NRP1: variants seen among roughly 807,000 people sequenced by gnomAD.
NRP1 encodes the protein neuropilin 1.
Under a neutral mutation model 106.7 loss-of-function variants are expected in NRP1, and 35 were observed. The observed-to-expected ratio is 0.33, with a 90% CI of 0.25 to 0.43. The LOEUF (loss-of-function observed/expected upper bound fraction) is 0.43. Among genes scored for constraint, NRP1 ranks in the 20% least tolerant of loss-of-function variants. The pLI is 1.00. For synonymous variants in NRP1, 437 were observed against 417.9 expected, an observed-to-expected ratio of 1.05 and a Z score of -0.56; for missense variants, 1,024 against 1,170.4, an observed-to-expected ratio of 0.87 and a Z score of 1.83.
intron 2 of NRP1, among the ~76,000 whole-genome samples, chr10:33,293,595 A>G (rs1245275032): frequency 6.6e-6 from 1 of 152,228 alleles, no homozygotes. Context: ...CGTCCACAGC[A>G]AAGTCAGCAC....
Position 33,213,366 on chromosome 10 carries a change from T to A in NRP1, c.1614+20A>T, listed in dbSNP as rs1838470510. 1 of 1,613,950 alleles carries A rather than the reference T, an allele frequency of 6.2e-7. No homozygotes were observed. The highest frequency in any genetic ancestry group is 1.3e-5 in the African/African-American group (1 of 74,880). On this transcript the variant is annotated intron_variant, in intron 9 of 16. Transcript: ENST00000374867. The stretch of plus-strand genomic sequence containing the variant: ...GTCAAGGACATAAGGGATGACCTCC[T>A]CCCAGTCCCCAGCCCTCACCTTCGC...
intron 2 of NRP1, among the ~76,000 whole-genome samples, chr10:33,324,902 T>G (rs914541383): frequency 6.6e-6 from 1 of 152,178 alleles, no homozygotes; most frequent in Non-Finnish European, 1.5e-5. Flanking sequence ...TGGCTCCCAA[T>G]GTTTGCGAGT....
chr10:33,329,015 T>C (rs1280503854), intron 2 of NRP1, among the ~76,000 whole-genome samples: 3 of 152,178 alleles, frequency 2.0e-5, no homozygotes, highest in Non-Finnish European at 4.4e-5. Context: ...TTAAACATGG[T>C]CAAAAAGCAA....
chr10:33,225,582 T>C (rs955438593), intron 7 of NRP1, among the ~76,000 whole-genome samples: 1 of 152,216 alleles, frequency 6.6e-6, no homozygotes, highest in Non-Finnish European at 1.5e-5. Context: ...CTGTGCTGCC[T>C]CCTTGGTTGA....
chr10:33,250,015 AGTATTTGT>A (rs1278010591), intron 6 of NRP1, among the ~76,000 whole-genome samples: 1 of 152,186 alleles, frequency 6.6e-6, no homozygotes, highest in Non-Finnish European at 1.5e-5. Flanking sequence ...AACACATGCA[AGTATTTGT>A]GTACTTGTTG....
chr10:33,279,537 T>C (rs868664537), intron 2 of NRP1, among the ~76,000 whole-genome samples: 1 of 152,308 alleles, frequency 6.6e-6, no homozygotes, highest in South Asian at 2.1e-4. Flanking sequence ...CTTCACCAGA[T>C]GAAGTCATCT....
chr10:33,239,841 C>T (rs1042049663), intron 6 of NRP1, among the ~76,000 whole-genome samples: 1 of 152,154 alleles, frequency 6.6e-6, no homozygotes, highest in African/African-American at 2.4e-5. Flanking sequence ...GCATGACGTC[C>T]ACAGGATGTT....
At chr10:33,236,865 T>C (rs575533055) in intron 6 of NRP1, among the ~76,000 whole-genome samples, 19 of 152,326 alleles carry the variant, frequency 1.2e-4, no homozygotes, top group Admixed American at 1.2e-3. Context: ...GTGTCAGGTA[T>C]TGTACTAAGT....
chr10:33,323,140 CAG>C (rs751860781), intron 2 of NRP1, among the ~76,000 whole-genome samples: 37 of 152,166 alleles, frequency 2.4e-4, no homozygotes, highest in Non-Finnish European at 5.1e-4. Flanking sequence ...GAAGCTGAGA[CAG>C]AGAATGGCTT....
In NRP1 at chr10:33,293,691, G is replaced by A. The variant is rs140653521; in HGVS notation, c.249-22835C>T. On this transcript the variant is annotated intron_variant, in intron 2 of 16. Coordinates refer to ENST00000374867, the MANE Select transcript of NRP1 (RefSeq NM_003873.7). ...GGGAGAGAAAACAGAAAACATGTTC[G>A]TTATTTTTGAAGGAAGAATGCCTGC... is the stretch of plus-strand genomic sequence containing the variant. 3.2e-3 allele frequency among the ~76,000 whole-genome samples: 494 copies of A among 152,272 alleles called. 3 individuals carry two copies. Among genetic ancestry groups the A allele is most frequent in the African/African-American group, 9.6e-3 (398 of 41,562 alleles).
Position 33,244,167 on chromosome 10 carries a change from G to A in NRP1, c.981+9861C>T, listed in dbSNP as rs540569017. Among the ~76,000 whole-genome samples the A allele has an allele frequency of 1.0e-3, 153 of 152,242 alleles. 1 individual carries two copies. The highest frequency in any genetic ancestry group is 4.8e-3 in the South Asian group (23 of 4,828). On this transcript the variant is annotated intron_variant, in intron 6 of 16. Coordinates refer to ENST00000374867, the MANE Select transcript of NRP1 (RefSeq NM_003873.7). ...TCTCACCTTTGGAGAAGGTGGCTGT[G>A]GATGTGCTAGAGGAGTTTTAAAGTG...
rs566437913 is a variant in NRP1, at chr10:33,180,215, A to G, written c.2633T>C (p.Val878Ala). Residue 878 changes from valine to alanine, a missense_variant, in exon 17 of 17, where the codon GTG becomes GCG. By Grantham distance (64) the Val-to-Ala change is moderately conservative. Around this residue, in one of 5 missense-constraint regions of NRP1, gnomAD observed 164 missense variants for 161.4 expected, o/e 1.02. Transcript: ENST00000374867. ...GVLLGAVCGV[V>A]LYCACWHNGM... ...ATTATGCCAACAGGCACAGTACAGCACGACCCCACAGACAGCCCCCAGGAG... is the reference window on the plus strand; with the variant it reads ...ATTATGCCAACAGGCACAGTACAGCGCGACCCCACAGACAGCCCCCAGGAG... 12 of 1,614,112 alleles carry G rather than the reference A, an allele frequency of 7.4e-6. No homozygotes were observed. The East Asian group carries it at 2.5e-4, about 33-fold the overall frequency.
chr10:33,202,042 A>G (rs1198054193), intron 11 of NRP1: 1 of 152,192 alleles, frequency 6.6e-6, no homozygotes, highest in Non-Finnish European at 1.5e-5. Context: ...CTGGGTAAAA[A>G]TGCAGACCTG....
At chr10:33,317,690 T>G (rs1847136857) in intron 2 of NRP1, among the ~76,000 whole-genome samples, 1 of 151,196 alleles carries the variant, frequency 6.6e-6, no homozygotes, top group South Asian at 2.1e-4. Flanking sequence ...CAAGCACACA[T>G]GAAAGAATAA....
intron 1 of NRP1, among the ~76,000 whole-genome samples, chr10:33,333,279 G>T (rs1015689789): frequency 6.6e-6 from 1 of 151,624 alleles, no homozygotes; most frequent in African/African-American, 2.4e-5. Flanking sequence ...TTAAAATACT[G>T]CTTGGTAGCT....
intron 12 of NRP1, 157 bp downstream of exon 12, chr10:33,197,493 A>G (rs1371491997): frequency 2.0e-6 from 1 of 495,658 alleles, no homozygotes; most frequent in East Asian, 3.2e-5. Flanking sequence ...ATACATGTGG[A>G]TGAAAGGAAA....
intron 13 of NRP1, among the ~76,000 whole-genome samples, chr10:33,191,602 C>G (rs952745062): frequency 6.6e-6 from 1 of 152,112 alleles, no homozygotes; most frequent in Admixed American, 6.5e-5. Flanking sequence ...GAAGCAGGGT[C>G]GTGCACATAG....
chr10:33,316,039 T>C (rs1403459940), intron 2 of NRP1, among the ~76,000 whole-genome samples: 1 of 152,168 alleles, frequency 6.6e-6, no homozygotes, highest in East Asian at 1.9e-4. Context: ...CCCCTACTTA[T>C]TCTAGTTAAA....
intron 6 of NRP1, among the ~76,000 whole-genome samples, chr10:33,240,064 C>G (rs959830304): frequency 1.3e-5 from 2 of 152,180 alleles, no homozygotes; most frequent in African/African-American, 4.8e-5. Flanking sequence ...CTTTTGCAAT[C>G]TGTGCGTTTC....
Sources: gnomAD v4.1 joint callset for allele counts (sites outside exome capture counted in the v4.1 genomes callset) on GRCh38, gnomAD v4.1.1 for gene constraint, gnomAD v4.1.1 regional missense constraint, MANE v1.5 for transcripts, NCBI Gene and HGNC (gene_info 2026-07-23, HGNC 2026-07-21) for gene names.